Variants in BAZ2B observed in about 807,000 individuals in gnomAD.
BAZ2B encodes the protein bromodomain adjacent to zinc finger domain 2B.
In BAZ2B, 91 loss-of-function variants were observed where a neutral mutation model predicts 246.0. That is an observed-to-expected ratio of 0.37 (90% CI 0.31 to 0.44). The LOEUF is 0.44. Among genes scored for constraint, BAZ2B ranks in the 20% least tolerant of loss-of-function variants. The pLI is 1.00. For synonymous variants in BAZ2B, 855 were observed against 860.0 expected (o/e 0.99, Z 0.10); for missense variants, 2,332 against 2,533.7 (o/e 0.92, Z 1.71).
At chr2:159,430,209 G>C (rs556963815) in intron 10 of BAZ2B, among the ~76,000 whole-genome samples, 1 of 151,970 alleles carries the variant, frequency 6.6e-6, no homozygotes, top group African/African-American at 2.4e-5. Context: ...ATTTTCCTCC[G>C]CCTCTGCCAC....
At position 159,367,902 on chromosome 2, in the gene BAZ2B, T is replaced by C. The variant is rs147446887; in HGVS notation, c.4213+5143A>G. 2.2e-3 allele frequency among the ~76,000 whole-genome samples: 338 copies of C among 152,050 alleles called. 1 individual carries two copies. The highest frequency in any genetic ancestry group is 7.1e-3 in the African/African-American group (296 of 41,450). On this transcript the variant is annotated intron_variant, in intron 27 of 36. Coordinates refer to ENST00000392783, the MANE Select transcript of BAZ2B (RefSeq NM_013450.4). The stretch of plus-strand genomic sequence containing the variant: ...GAATCTGTCTCAAAAAAAAAAGTAA[T>C]AAATAAGATGATGACAATAATGTAT...
intron 13 of BAZ2B, among the ~76,000 whole-genome samples, chr2:159,419,005 A>G (rs2068256052): frequency 6.6e-6 from 1 of 152,222 alleles, no homozygotes; most frequent in Non-Finnish European, 1.5e-5. Flanking sequence ...CATTTGGTAG[A>G]TTGATCATTT....
At chr2:159,538,888 G>A (rs372529472) in intron 2 of BAZ2B, among the ~76,000 whole-genome samples, 4 of 152,174 alleles carry the variant, frequency 2.6e-5, no homozygotes, top group Non-Finnish European at 5.9e-5. Flanking sequence ...GCAACATAAC[G>A]CTTTTTCACT....
chr2:159,567,536 C>A (rs977948092), intron 1 of BAZ2B, among the ~76,000 whole-genome samples: 4 of 152,082 alleles, frequency 2.6e-5, no homozygotes, highest in Middle Eastern at 3.2e-3. Context: ...TTTCAGAGTT[C>A]GTCAATGGCA....
chr2:159,450,740 T>TC (rs200946330), intron 4 of BAZ2B, among the ~76,000 whole-genome samples: 7 of 125,624 alleles, frequency 5.6e-5, no homozygotes, highest in Admixed American at 7.7e-5. Flanking sequence ...AACATTTAAC[T>TC]CTTTTTTTTT....
At chr2:159,463,978 A>G (rs1453604303) in intron 3 of BAZ2B, 1 of 152,132 alleles carries the variant, frequency 6.6e-6, no homozygotes, top group African/African-American at 2.4e-5. Context: ...TGCTGGGATT[A>G]CAAGTGTGAG....
downstream of BAZ2B, among the ~76,000 whole-genome samples, chr2:159,316,389 G>A (rs1180940839): frequency 2.0e-5 from 3 of 152,050 alleles, no homozygotes; most frequent in Non-Finnish European, 4.4e-5. Flanking sequence ...ACATCCCCCT[G>A]GAAAGAAAAT....
Position 159,453,600 on chromosome 2 carries a change from A to T in BAZ2B, c.334+13T>A. 9 of 1,585,808 alleles carry T rather than the reference A, an allele frequency of 5.7e-6. No homozygotes were observed. Among genetic ancestry groups the T allele is most frequent in the South Asian group, 1.2e-5 (1 of 85,350 alleles). ...CCTCCTTCCCTTGAACACTGTTTGT[A>T]ACAGATGTTTACCTGGAAAAGATGC... On this transcript the variant is annotated intron_variant, in intron 4 of 36. Transcript: ENST00000392783.
the BAZ2B span, among the ~76,000 whole-genome samples, chr2:159,666,242 T>A: frequency 6.7e-6 from 1 of 148,418 alleles, no homozygotes; most frequent in South Asian, 2.1e-4. Context: ...CAATTTATTA[T>A]ATTTTTTTAT....
At chr2:159,526,717 AT>A (rs1267221858) in intron 2 of BAZ2B, among the ~76,000 whole-genome samples, 1 of 152,182 alleles carries the variant, frequency 6.6e-6, no homozygotes, top group Non-Finnish European at 1.5e-5. Flanking sequence ...TTGGCAGATC[AT>A]GAAACAAGCC....
chr2:159,455,242 CT>C (rs1232259122), intron 3 of BAZ2B, among the ~76,000 whole-genome samples: 1 of 143,172 alleles, frequency 7.0e-6, no homozygotes. Flanking sequence ...AACCAAATCT[CT>C]TCTCTTTGCT....
At chr2:159,633,915 T>C in the BAZ2B span, among the ~76,000 whole-genome samples, 1 of 151,984 alleles carries the variant, frequency 6.6e-6, no homozygotes, top group Non-Finnish European at 1.5e-5. Flanking sequence ...GATTTTTGTA[T>C]ATTTAGTAGA....
In BAZ2B at chr2:159,402,463, C is replaced by CA. The variant is rs201766211; in HGVS notation, c.2833-1800dup. On this transcript the variant is annotated intron_variant, in intron 16 of 36. Coordinates refer to ENST00000392783, the MANE Select transcript of BAZ2B (RefSeq NM_013450.4). ...AGACTCTGTCTAAAAAACAAACAAACAAAAAACAAAACAAAACAAAAAACA... is the reference window on the plus strand; with the variant it reads ...AGACTCTGTCTAAAAAACAAACAAACAAAAAAACAAAACAAAACAAAAAACA... Among the ~76,000 whole-genome samples the CA allele has an allele frequency of 8.3e-3, 1,255 of 151,756 alleles. 49 individuals carry two copies. The East Asian group carries it at 0.092, about 11-fold the overall frequency.
intron 2 of BAZ2B, among the ~76,000 whole-genome samples, chr2:159,484,518 C>A (rs2079603740): frequency 6.6e-6 from 1 of 152,102 alleles, no homozygotes; most frequent in South Asian, 2.1e-4. Context: ...TATAACAATT[C>A]TGAGCGCAAA....
intron 3 of BAZ2B, among the ~76,000 whole-genome samples, chr2:159,466,081 C>T (rs1324226763): frequency 3.9e-5 from 6 of 152,142 alleles, no homozygotes; most frequent in Admixed American, 1.3e-4. Flanking sequence ...CTATCTCATT[C>T]CCTGATGATT....
intron 6 of BAZ2B, among the ~76,000 whole-genome samples, chr2:159,441,444 C>T (rs1451245921): frequency 6.6e-6 from 1 of 151,922 alleles, no homozygotes; most frequent in Non-Finnish European, 1.5e-5. Context: ...GTAAATAGTT[C>T]TATTTTTATA....
chr2:159,560,086 CAA>C (rs1402191025), intron 1 of BAZ2B, among the ~76,000 whole-genome samples: 2 of 152,170 alleles, frequency 1.3e-5, no homozygotes, highest in Non-Finnish European at 2.9e-5. Flanking sequence ...TGCCCCAAAA[CAA>C]AGTCTTTCTT....
the BAZ2B span, among the ~76,000 whole-genome samples, chr2:159,632,486 T>G: frequency 6.6e-6 from 1 of 152,240 alleles, no homozygotes; most frequent in Non-Finnish European, 1.5e-5. Flanking sequence ...TCATCACATC[T>G]TACTCTACTA....
chr2:159,676,122 C>T, the BAZ2B span, among the ~76,000 whole-genome samples: 10 of 151,706 alleles, frequency 6.6e-5, no homozygotes, highest in African/African-American at 1.2e-4. Flanking sequence ...CTTGAACTCC[C>T]GACCTCGTGA....
Sources: allele counts gnomAD v4.1 joint callset (sites outside exome capture counted in the v4.1 genomes callset), GRCh38; gene constraint gnomAD v4.1.1; transcripts MANE v1.5; gene names NCBI Gene and HGNC (gene_info 2026-07-23, HGNC 2026-07-21).